RBFOX1: variants seen among roughly 807,000 people sequenced by gnomAD.
RBFOX1 encodes RNA binding protein fox-1 homolog 1.
In RBFOX1, 8 loss-of-function variants were observed where a neutral mutation model predicts 57.7. The ratio of observed to expected loss-of-function variants is 0.14; its 90% CI spans 0.08 to 0.25. The LOEUF is 0.25. Among genes scored for constraint, RBFOX1 ranks in the 10% least tolerant of loss-of-function variants. The probability of loss-of-function intolerance (pLI) is 1.00; values close to 1 mark genes in which losing one functional copy is unlikely to be tolerated. For synonymous variants in RBFOX1, 326 were observed against 222.4 expected, an observed-to-expected ratio of 1.47 and a Z score of -4.15; for missense variants, 611 against 548.5, an observed-to-expected ratio of 1.11 and a Z score of -1.14.
rs567295508 is a variant in RBFOX1, at chr16:6,558,393, G to C, written c.-63-96210G>C. ...GCAGTCTTCTCTTTTAGAAAGAGGA[G>C]AAGAGTTTATCCTGAACTGTGCATT... On this transcript the variant is annotated intron_variant, in intron 2 of 15. Coordinates refer to ENST00000550418, the MANE Select transcript of RBFOX1 (RefSeq NM_018723.4). 2.0e-3 allele frequency among the ~76,000 whole-genome samples: 312 copies of C among 152,254 alleles called. 1 individual carries two copies. The highest frequency in any genetic ancestry group is 0.02 in the Middle Eastern group (6 of 294).
intron 4 of RBFOX1, among the ~76,000 whole-genome samples, chr16:7,228,901 G>C (rs573745825): frequency 6.6e-6 from 1 of 152,148 alleles, no homozygotes; most frequent in Non-Finnish European, 1.5e-5. Flanking sequence ...GTTGCATTTT[G>C]AGAGAGAAGA....
chr16:7,054,767 A>G (rs2051528449), intron 4 of RBFOX1, among the ~76,000 whole-genome samples: 1 of 152,192 alleles, frequency 6.6e-6, no homozygotes, highest in Admixed American at 6.5e-5. Context: ...GCATTTCCAG[A>G]TTTGCTATCC....
At chr16:6,820,962 A>T (rs1784622745) in intron 3 of RBFOX1, among the ~76,000 whole-genome samples, 1 of 152,302 alleles carries the variant, frequency 6.6e-6, no homozygotes, top group South Asian at 2.1e-4. Flanking sequence ...CCAGTTATTG[A>T]ATTTGTATTA....
At chr16:6,412,072 G>T (rs1173287225) in intron 2 of RBFOX1, among the ~76,000 whole-genome samples, 1 of 151,280 alleles carries the variant, frequency 6.6e-6, no homozygotes, top group Non-Finnish European at 1.5e-5. Context: ...GGCAGAGGTT[G>T]CAGTGAGCCA....
chr16:5,368,804 G>A (rs761250154), intron 1 of RBFOX1, among the ~76,000 whole-genome samples: 1 of 152,048 alleles, frequency 6.6e-6, no homozygotes, highest in African/African-American at 2.4e-5. Context: ...GTCTTCTGGG[G>A]TCTCCTTGTT....
intron 1 of RBFOX1, among the ~76,000 whole-genome samples, chr16:5,355,237 CA>C (rs2065357652): frequency 6.6e-6 from 1 of 152,086 alleles, no homozygotes; most frequent in Non-Finnish European, 1.5e-5. Flanking sequence ...CAGGCCCCAG[CA>C]GGAAATGGCA....
intron 3 of RBFOX1, among the ~76,000 whole-genome samples, chr16:6,924,847 C>G (rs529882219): frequency 8.1e-6 from 1 of 123,736 alleles, no homozygotes; most frequent in Non-Finnish European, 1.7e-5. Flanking sequence ...CTCCCCCTAC[C>G]CCACAACAGT....
intron 1 of RBFOX1, chr16:5,289,444 A>T (rs2063482054): frequency 4.1e-6 from 1 of 244,154 alleles, no homozygotes; most frequent in Non-Finnish European, 8.1e-6. Flanking sequence ...TACACATTAG[A>T]TTGTGAAGCC....
intron 3 of RBFOX1, among the ~76,000 whole-genome samples, chr16:5,681,043 G>C (rs182217026): frequency 2.0e-5 from 3 of 151,904 alleles, no homozygotes; most frequent in African/African-American, 4.8e-5. Flanking sequence ...TCTTAGATAA[G>C]ATGGCCAGAA....
intron 14 of RBFOX1, among the ~76,000 whole-genome samples, chr16:7,678,607 A>C (rs1439642186): frequency 2.6e-5 from 4 of 152,078 alleles, no homozygotes; most frequent in Non-Finnish European, 4.4e-5. Flanking sequence ...GTATAAGTGC[A>C]TCTATCCCCA....
chr16:6,858,014 G>T (rs774618290), intron 3 of RBFOX1, among the ~76,000 whole-genome samples: 2 of 152,138 alleles, frequency 1.3e-5, no homozygotes, highest in Non-Finnish European at 2.9e-5. Context: ...TATGGAAAAG[G>T]CAAGGCTTTT....
Position 7,451,406 on chromosome 16 carries a change from C to T in RBFOX1, c.28-66741C>T, listed in dbSNP as rs140716243. On this transcript the variant is annotated intron_variant, in intron 4 of 15. Coordinates refer to ENST00000550418, the MANE Select transcript of RBFOX1 (RefSeq NM_018723.4). Reference sequence around the variant, plus strand: ...GTGAAATCCAAGTATTTCAACCTGGCAGGTTGAGGCAATAGGTAAGTTAAC... The same window carrying T: ...GTGAAATCCAAGTATTTCAACCTGGTAGGTTGAGGCAATAGGTAAGTTAAC... 2.0e-5 allele frequency among the ~76,000 whole-genome samples: 3 copies of T among 152,206 alleles called. No homozygotes were observed. In the East Asian group the frequency reaches 5.8e-4, roughly 29 times the overall value.
At chr16:6,823,901 A>G (rs770152152) in intron 3 of RBFOX1, among the ~76,000 whole-genome samples, 2 of 152,284 alleles carry the variant, frequency 1.3e-5, no homozygotes, top group Middle Eastern at 3.4e-3. Flanking sequence ...AAAAAGGAGC[A>G]TGCTGGAGTT....
intron 2 of RBFOX1, among the ~76,000 whole-genome samples, chr16:6,594,949 G>T (rs1202090008): frequency 6.6e-6 from 1 of 151,970 alleles, no homozygotes; most frequent in African/African-American, 2.4e-5. Context: ...CCACCACACC[G>T]GGCTAATTTT....
intron 1 of RBFOX1, among the ~76,000 whole-genome samples, chr16:6,259,993 C>T (rs1193441058): frequency 6.6e-6 from 1 of 151,612 alleles, no homozygotes; most frequent in Admixed American, 6.6e-5. Flanking sequence ...AAAATAAGTC[C>T]ATTCCCACTT....
chr16:6,438,430 C>A (rs1003171022), intron 2 of RBFOX1, among the ~76,000 whole-genome samples: 6 of 152,168 alleles, frequency 3.9e-5, no homozygotes, highest in African/African-American at 1.4e-4. Context: ...CTTTGCTTGA[C>A]CACATCCTGT....
chr16:6,767,992 A>T (rs1236704609), intron 3 of RBFOX1, among the ~76,000 whole-genome samples: 1 of 141,634 alleles, frequency 7.1e-6, no homozygotes, highest in Non-Finnish European at 1.5e-5. Context: ...AGAAGAAATT[A>T]TGGAGAAAAC....
intron 2 of RBFOX1, among the ~76,000 whole-genome samples, chr16:6,531,779 G>A (rs1251586229): frequency 6.6e-6 from 1 of 152,112 alleles, no homozygotes; most frequent in African/African-American, 2.4e-5. Flanking sequence ...TATCCTTCGT[G>A]TATGAGTATC....
chr16:6,411,982 A>G (rs375983718), intron 2 of RBFOX1, among the ~76,000 whole-genome samples: 1 of 152,182 alleles, frequency 6.6e-6, no homozygotes, highest in African/African-American at 2.4e-5. Flanking sequence ...AAATACAAAA[A>G]TTAGCTGGGT....
Sources: allele counts gnomAD v4.1 joint callset (sites outside exome capture counted in the v4.1 genomes callset), GRCh38; gene constraint gnomAD v4.1.1; transcripts MANE v1.5; gene names NCBI Gene and HGNC (gene_info 2026-07-23, HGNC 2026-07-21).